The following CFAP20DC variants were observed in gnomAD, a reference collection of about 807,000 sequenced individuals.
CFAP20DC encodes the protein CFAP20 domain containing, also known as protein CFAP20DC.
In CFAP20DC, 84 loss-of-function variants were observed where a neutral mutation model predicts 101.7. The ratio of observed to expected loss-of-function variants is 0.83; its 90% confidence interval spans 0.69 to 0.99. The LOEUF (loss-of-function observed/expected upper bound fraction) is 0.99, where lower values mean the gene tolerates loss of function less well. CFAP20DC is among the 50% of genes least tolerant of loss of function. The pLI, the probability that CFAP20DC is intolerant of heterozygous loss-of-function variation, is 0.00. For synonymous variants in CFAP20DC, 359 were observed against 351.2 expected, an observed-to-expected ratio of 1.02 and a Z score of -0.25; for missense variants, 1,007 against 970.3, an observed-to-expected ratio of 1.04 and a Z score of -0.50.
At chr3:58,939,987 G>C (rs761705864) in intron 4 of CFAP20DC, among the ~76,000 whole-genome samples, 7 of 152,032 alleles carry the variant, frequency 4.6e-5, no homozygotes, top group African/African-American at 7.2e-5. Context: ...AGCTGGTCTA[G>C]AACTACTGAC....
intron 5 of CFAP20DC, among the ~76,000 whole-genome samples, chr3:58,931,576 C>T (rs1263849771): frequency 2.0e-5 from 3 of 152,210 alleles, no homozygotes; most frequent in Non-Finnish European, 4.4e-5. Context: ...TGAGACAAAA[C>T]TTCCAGAGGA....
chr3:58,975,767 C>T (rs571087729), intron 4 of CFAP20DC, among the ~76,000 whole-genome samples: 2 of 151,810 alleles, frequency 1.3e-5, no homozygotes, highest in Non-Finnish European at 2.9e-5. Flanking sequence ...ACTGTTGGTA[C>T]TAACATATTA....
intron 7 of CFAP20DC, among the ~76,000 whole-genome samples, chr3:58,881,881 T>C (rs537145103): frequency 6.6e-6 from 1 of 152,306 alleles, no homozygotes; most frequent in East Asian, 1.9e-4. Flanking sequence ...GCATTATTCA[T>C]TAGCTACACC....
intron 3 of CFAP20DC, among the ~76,000 whole-genome samples, chr3:58,720,976 G>A (rs762980895): frequency 1.3e-5 from 2 of 152,170 alleles, no homozygotes; most frequent in African/African-American, 2.4e-5. Context: ...GGAGGGTGGC[G>A]GGAGAGGAGA....
In CFAP20DC at chr3:58,905,293, G is replaced by T. The variant is rs912251647; in HGVS notation, c.550+8415C>A. ...ATCTACACAGATATTATCATTGCTT[G>T]TTCTACTCCCCTTGTTTTTCTCCTC... is the stretch of plus-strand genomic sequence containing the variant. On this transcript the variant is annotated intron_variant, in intron 6 of 16. Coordinates refer to ENST00000482387, the MANE Select transcript of CFAP20DC (RefSeq NM_001394063.1). 5.9e-5 allele frequency among the ~76,000 whole-genome samples: 9 copies of T among 151,968 alleles called. No individual in the cohort carries two copies. The South Asian group carries it at 1.9e-3, about 32-fold the overall frequency.
chr3:58,916,624 A>G (rs986942490), intron 5 of CFAP20DC, among the ~76,000 whole-genome samples: 2 of 152,190 alleles, frequency 1.3e-5, no homozygotes, highest in Non-Finnish European at 2.9e-5. Flanking sequence ...ATCATTCAAG[A>G]AATAAATGGC....
intron 15 of CFAP20DC, among the ~76,000 whole-genome samples, chr3:58,778,168 G>C (rs2071504158): frequency 6.6e-6 from 1 of 152,164 alleles, no homozygotes; most frequent in Non-Finnish European, 1.5e-5. Flanking sequence ...CCAAAGTGCA[G>C]CTACAGCCAC....
chr3:58,751,159 C>A (rs1402730933), intron 16 of CFAP20DC, among the ~76,000 whole-genome samples: 3 of 152,206 alleles, frequency 2.0e-5, no homozygotes, highest in East Asian at 3.9e-4. Flanking sequence ...TTGCACAGGG[C>A]ACCAAGGATC....
intron 3 of CFAP20DC, among the ~76,000 whole-genome samples, chr3:59,041,840 G>A (rs933279587): frequency 5.3e-5 from 8 of 152,028 alleles, no homozygotes; most frequent in Admixed American, 5.2e-4. Flanking sequence ...TAAAAACTGG[G>A]TTAATAGTTT....
In CFAP20DC at chr3:58,849,056, C is replaced by G; in HGVS notation, c.1947G>C (p.Arg649Ser). 1 of 1,535,816 alleles carries G rather than the reference C, an allele frequency of 6.5e-7. No homozygotes were observed. The highest frequency in any genetic ancestry group is 8.7e-7 in the Non-Finnish European group (1 of 1,146,798). Residue 649 changes from arginine to serine, a missense_variant, in exon 13 of 17, where the codon AGG (arginine) becomes AGC (serine). Transcript: ENST00000482387. The part of the protein sequence containing the change: ...KTSLKEISGE[R>S]LSSIPEASEY... ...CAGATGCTTCGGGGATCGAGCTCAG[C>G]CTTTCCCCTGAGATTTCTTTCAGGG...
At chr3:58,769,832 A>G (rs1051240189) in intron 15 of CFAP20DC, among the ~76,000 whole-genome samples, 2 of 152,178 alleles carry the variant, frequency 1.3e-5, no homozygotes, top group African/African-American at 4.8e-5. Flanking sequence ...CCAGGTTTAT[A>G]TGGAGGTATG....
rs9864668 is a variant in CFAP20DC at position 58,791,018 on chromosome 3, T to G, written c.2237+15377A>C. On this transcript the variant is annotated intron_variant, in intron 15 of 16. Coordinates refer to ENST00000482387, the MANE Select transcript of CFAP20DC (RefSeq NM_001394063.1). ...AAGCTATAGAGAAGCCTACATCAGC[T>G]CAGTATAAGGAAGATTTCCCATGGT... 7.8e-3 allele frequency among the ~76,000 whole-genome samples: 1,185 copies of G among 152,176 alleles called. 16 individuals are homozygous for G. The highest frequency in any genetic ancestry group is 0.028 in the African/African-American group (1,150 of 41,488).
At position 58,849,098 on chromosome 3, in the gene CFAP20DC, A is replaced by C. The variant is rs1554909; in HGVS notation, c.1905T>G (p.Ala635=). The change falls in exon 13 of 17, where the codon GCT becomes GCG. Residue 635 remains alanine (A), a synonymous_variant. Transcript: ENST00000482387. ...AKDLSAQQVP[A]SLNKTSLKEI... is the part of the protein sequence containing the mutation. ...CTTTCAGGGAGGTTTTGTTTAGTGA[A>C]GCTGGCACTTGCTGGGCTGATAGAT... is the stretch of plus-strand genomic sequence containing the variant. The C allele has an allele frequency of 6.5e-7, 1 of 1,535,968 alleles. No individual in the cohort carries two copies. The highest frequency in any genetic ancestry group is 1.4e-5 in the African/African-American group (1 of 73,086).
chr3:58,805,881 G>T (rs1261093505), intron 15 of CFAP20DC, among the ~76,000 whole-genome samples: 1 of 152,076 alleles, frequency 6.6e-6, no homozygotes, highest in African/African-American at 2.4e-5. Context: ...ATAATTTTGA[G>T]ATTATAAACT....
chr3:58,733,448 G>A (rs898547999), intron 3 of CFAP20DC, among the ~76,000 whole-genome samples: 9 of 152,140 alleles, frequency 5.9e-5, no homozygotes, highest in Non-Finnish European at 1.3e-4. Context: ...GGGAAAAAAT[G>A]TATTAACAGA....
chr3:58,805,192 A>G (rs1429656246), intron 15 of CFAP20DC, among the ~76,000 whole-genome samples: 2 of 152,216 alleles, frequency 1.3e-5, no homozygotes, highest in African/African-American at 4.8e-5. Flanking sequence ...TAGCCTCTAC[A>G]TGTATATTGA....
intron 16 of CFAP20DC, among the ~76,000 whole-genome samples, chr3:58,752,730 C>T (rs902177666): frequency 6.6e-6 from 1 of 152,138 alleles, no homozygotes; most frequent in Non-Finnish European, 1.5e-5. Flanking sequence ...AGAGACATCT[C>T]CATCCCTTGG....
rs577461345 is a variant in CFAP20DC, at chr3:58,849,018, C to G, written c.1971+14G>C. On this transcript the variant is annotated intron_variant, in intron 13 of 16. Coordinates refer to ENST00000482387, the MANE Select transcript of CFAP20DC (RefSeq NM_001394063.1). Reference sequence around the variant, plus strand: ...GTATTGCCGGCATCTGTAAACCACACGGGAACCACTTACAGATGCTTCGGG... The same window carrying G: ...GTATTGCCGGCATCTGTAAACCACAGGGGAACCACTTACAGATGCTTCGGG... 493 of 1,532,214 alleles carry G rather than the reference C, an allele frequency of 3.2e-4. 8 individuals carry two copies. The South Asian group carries it at 4.7e-3, about 15-fold the overall frequency. 94.9% of individuals were successfully genotyped at this position (1,532,214 alleles called of 1,614,324 possible).
intron 15 of CFAP20DC, among the ~76,000 whole-genome samples, chr3:58,761,035 T>A (rs867758912): frequency 6.6e-6 from 1 of 152,232 alleles, no homozygotes; most frequent in Non-Finnish European, 1.5e-5. Context: ...GGTATCAGGA[T>A]GATGCTGGCC....
Sources: gnomAD v4.1 joint callset for allele counts (sites outside exome capture counted in the v4.1 genomes callset) on GRCh38, gnomAD v4.1.1 for gene constraint, MANE v1.5 for transcripts, NCBI Gene and HGNC (gene_info 2026-07-23, HGNC 2026-07-21) for gene names.